The following MTF1 variants were observed in gnomAD, a reference collection of about 807,000 sequenced individuals.
MTF1 encodes metal regulatory transcription factor 1.
MTF1 carries 22 observed loss-of-function variants against 70.4 expected under a neutral mutation model. The ratio of observed to expected loss-of-function variants is 0.31; its 90% CI spans 0.22 to 0.45. The LOEUF is 0.45. MTF1 is among the 20% of genes least tolerant of loss of function. The pLI, the probability that MTF1 is intolerant of heterozygous loss-of-function variation, is 1.00. For synonymous variants in MTF1, 333 were observed against 352.8 expected, an observed-to-expected ratio of 0.94 and a Z score of 0.63; for missense variants, 649 against 922.0, an observed-to-expected ratio of 0.70 and a Z score of 3.83.
At chr1:37,859,349 C>G (rs1287531089) in intron 1 of MTF1, among the ~76,000 whole-genome samples, 182 bp downstream of exon 1, 1 of 152,102 alleles carries the variant, frequency 6.6e-6, no homozygotes, top group Non-Finnish European at 1.5e-5. Context: ...GGGGCAGGGT[C>G]CGGGTCTCCA....
At chr1:37,833,911 G>A (rs776781466) in intron 6 of MTF1, among the ~76,000 whole-genome samples, 2 of 152,074 alleles carry the variant, frequency 1.3e-5, no homozygotes, top group Non-Finnish European at 2.9e-5. Flanking sequence ...CCACAAAGAG[G>A]ACCATATGGC....
intron 5 of MTF1, 57 bp downstream of exon 5, chr1:37,835,614 C>A (rs982325442): frequency 1.5e-6 from 2 of 1,314,900 alleles, no homozygotes; most frequent in Non-Finnish European, 2.2e-6. Context: ...CTCTACAGGT[C>A]TCAATGGAAA....
At chr1:37,857,893 C>T (rs574818087) in intron 1 of MTF1, among the ~76,000 whole-genome samples, 184 bp from the exon 2 acceptor site, 2 of 151,884 alleles carry the variant, frequency 1.3e-5, no homozygotes, top group South Asian at 4.2e-4. Flanking sequence ...AAAAGCAATG[C>T]CGACTGGGCG....
At chr1:37,826,608 G>A (rs574591965) in intron 7 of MTF1, 1 of 442,240 alleles carries the variant, frequency 2.3e-6, no homozygotes, top group Non-Finnish European at 4.5e-6. Flanking sequence ...CTGAAGGAGG[G>A]GAAATTCAGT....
intron 10 of MTF1, among the ~76,000 whole-genome samples, chr1:37,816,580 C>T (rs947987341): frequency 1.4e-5 from 2 of 147,562 alleles, no homozygotes; most frequent in Non-Finnish European, 3.0e-5. Context: ...GAGACTGAGA[C>T]ATGAGAATCA....
chr1:37,815,457 G>A lies in MTF1; in HGVS notation c.1941C>T (p.Ser647=), dbSNP rs916616080. 8.1e-6 allele frequency: 13 copies of A among 1,607,054 alleles called. No individual in the cohort carries two copies. The highest frequency in any genetic ancestry group is 1.1e-5 in the Non-Finnish European group (13 of 1,176,426). Residue 647 remains serine, a synonymous_variant, in exon 11 of 11, where the codon TCC becomes TCT. Coordinates refer to ENST00000373036, the MANE Select transcript of MTF1 (RefSeq NM_005955.3). This position sits in a 1 kb window ranked among gnomAD's most constrained non-coding sequence, Gnocchi z 4.5. ...ACRDSAKERA[S]SRRKGCSSPP... ...GGGAGGAGCAGCCCTTTCTCCTGCTGGATGCCCGCTCCTTTGCAGAGTCCC... is the reference window on the plus strand; with the variant it reads ...GGGAGGAGCAGCCCTTTCTCCTGCTAGATGCCCGCTCCTTTGCAGAGTCCC...
chr1:37,842,635 A>G (rs1358227056), intron 2 of MTF1, among the ~76,000 whole-genome samples: 1 of 152,174 alleles, frequency 6.6e-6, no homozygotes, highest in Admixed American at 6.5e-5. Context: ...CTCATCTCCC[A>G]AAGATCCTCA....
Position 37,838,723 on chromosome 1 carries a change from T to C in MTF1, c.681A>G (p.Lys227=), listed in dbSNP as rs376556745. ...AGCCTTCAGATTCACAGTTAAACGTTTTCCCTGTGTGAAGCCTCTGATGTG... is the reference window on the plus strand; with the variant it reads ...AGCCTTCAGATTCACAGTTAAACGTCTTCCCTGTGTGAAGCCTCTGATGTG... ...LKAHQRLHTG[K]TFNCESEGCS... Residue 227 remains lysine, a synonymous_variant, in exon 4 of 11, where the codon AAA becomes AAG. Transcript: ENST00000373036. 3.1e-5 allele frequency: 50 copies of C among 1,610,500 alleles called. No homozygotes were observed. Among genetic ancestry groups the C allele is most frequent in the Non-Finnish European group, 3.7e-5 (44 of 1,177,710 alleles).
intron 6 of MTF1, among the ~76,000 whole-genome samples, chr1:37,832,981 G>C (rs897444165): frequency 7.9e-5 from 12 of 151,518 alleles, no homozygotes; most frequent in African/African-American, 1.2e-4. Flanking sequence ...ACTCCAGCCT[G>C]GGCGACAAGA....
At chr1:37,827,564 G>A (rs759521110) in intron 7 of MTF1, among the ~76,000 whole-genome samples, 7 of 151,996 alleles carry the variant, frequency 4.6e-5, no homozygotes, top group Non-Finnish European at 7.4e-5. Flanking sequence ...GGGTTTCACC[G>A]TGTTAGCCAA....
rs1640812564 is a variant in MTF1, at chr1:37,815,924, A to C, written c.1832-358T>G. On this transcript the variant is annotated intron_variant, in intron 10 of 10. Transcript: ENST00000373036. This position sits in a 1 kb window ranked among gnomAD's most constrained non-coding sequence, Gnocchi z 4.5. ...GGCCTGTGGGCTCTTCCTTACGACT[A>C]AAATCCCTGGACACCTCTCTTCTGG... 1.3e-5 allele frequency among the ~76,000 whole-genome samples: 2 copies of C among 152,228 alleles called. No homozygotes were observed. Among genetic ancestry groups the C allele is most frequent in the South Asian group, 4.1e-4 (2 of 4,820 alleles).
Position 37,811,990 on chromosome 1 carries a change from A to G in MTF1, c.*3146T>C, listed in dbSNP as rs1026900513. On this transcript the variant is annotated 3_prime_UTR_variant, in exon 11 of 11. Coordinates refer to ENST00000373036, the MANE Select transcript of MTF1 (RefSeq NM_005955.3). ...CTAAGGCAGTTTGGTGGTGCCAGCCAGTTTCCTTACCACCTCCTAAGTCCA... is the reference window on the plus strand; with the variant it reads ...CTAAGGCAGTTTGGTGGTGCCAGCCGGTTTCCTTACCACCTCCTAAGTCCA... The G allele has an allele frequency of 5.9e-5, 9 of 152,690 alleles. No homozygotes were observed. The highest frequency in any genetic ancestry group is 2.2e-4 in the African/African-American group (9 of 41,466). The allele number at this position is 152,690 out of a possible 1,614,324, so 9.5% of individuals were successfully genotyped here.
At chr1:37,826,021 CCT>C (rs1283701412) in intron 7 of MTF1, among the ~76,000 whole-genome samples, 1 of 152,150 alleles carries the variant, frequency 6.6e-6, no homozygotes, top group African/African-American at 2.4e-5. Context: ...ACCCCTAGCC[CCT>C]GTGTTGTTCA....
At chr1:37,838,055 TA>T (rs1211063393) in intron 4 of MTF1, among the ~76,000 whole-genome samples, 3 of 152,196 alleles carry the variant, frequency 2.0e-5, no homozygotes, top group African/African-American at 7.2e-5. Context: ...CATATATGAA[TA>T]AAAATGGATG....
chr1:37,831,946 T>C (rs1320082710), intron 7 of MTF1, among the ~76,000 whole-genome samples: 1 of 152,196 alleles, frequency 6.6e-6, no homozygotes, highest in Non-Finnish European at 1.5e-5. Flanking sequence ...TTTTAACTAC[T>C]ATAAGCTCAG....
At chr1:37,851,227 A>G (rs531135688) in intron 2 of MTF1, among the ~76,000 whole-genome samples, 1 of 152,338 alleles carries the variant, frequency 6.6e-6, no homozygotes, top group South Asian at 2.1e-4. Context: ...GATTTCAAGA[A>G]TATAGCATCT....
At chr1:37,821,260 A>G (rs1640905839) in intron 9 of MTF1, among the ~76,000 whole-genome samples, 1 of 152,068 alleles carries the variant, frequency 6.6e-6, no homozygotes, top group Admixed American at 6.6e-5. Context: ...TAAAGTCCAA[A>G]AAAAAGTAAT....
intron 1 of MTF1, 54 bp from the exon 2 acceptor site, chr1:37,857,763 C>T (rs1260727742): frequency 5.6e-5 from 60 of 1,065,476 alleles, no homozygotes; most frequent in Non-Finnish European, 8.2e-5. Context: ...GACGGACCTC[C>T]TCAGCAACCA....
chr1:37,825,490 G>C (rs557142268), intron 7 of MTF1, among the ~76,000 whole-genome samples: 188 of 152,228 alleles, frequency 1.2e-3, no homozygotes, highest in Middle Eastern at 6.8e-3. Flanking sequence ...TCCCACCCCA[G>C]CCTCCCAAAG....
Sources: gnomAD v4.1 joint callset for allele counts (sites outside exome capture counted in the v4.1 genomes callset) on GRCh38, gnomAD v4.1.1 for gene constraint, Gnocchi (gnomAD v3.1) non-coding constraint, MANE v1.5 for transcripts, NCBI Gene and HGNC (gene_info 2026-07-23, HGNC 2026-07-21) for gene names.